Variants in CUX1 observed in about 807,000 individuals in gnomAD.
CUX1 encodes the protein cut like homeobox 1.
CUX1 carries 31 observed loss-of-function variants against 158.8 expected under a neutral mutation model. The ratio of observed to expected loss-of-function variants is 0.20; its 90% CI spans 0.15 to 0.26. The LOEUF is 0.26. CUX1 is among the 10% of genes least tolerant of loss of function. The pLI is 1.00. For missense variants in CUX1, 1,589 were observed against 2,014.6 expected, an observed-to-expected ratio of 0.79 and a Z score of 4.04; for synonymous variants, 879 against 862.1, an observed-to-expected ratio of 1.02 and a Z score of -0.34.
chr7:102,158,927 T>C (rs1554506175), intron 9 of CUX1, among the ~76,000 whole-genome samples: 1 of 152,244 alleles, frequency 6.6e-6, no homozygotes, highest in Non-Finnish European at 1.5e-5. Context: ...GTGGCATCCA[T>C]GACAGTGTAG....
At position 102,204,481 on chromosome 7, in the gene CUX1, A is replaced by G; in HGVS notation, c.2998A>G (p.Ile1000Val). Residue 1000 changes from isoleucine to valine, a missense_variant, in exon 19 of 24, where the codon ATC (isoleucine) becomes GTC (valine). By Grantham distance (29) the Ile-to-Val change is conservative. Around this residue, in one of 8 missense-constraint regions of CUX1, gnomAD observed 259 missense variants for 373.8 expected, o/e 0.69. Transcript: ENST00000292535. ...GACGCAGAAAGGCCGAGAACCCTTC[A>G]TCCGGATGCAGCTCTGGCTGAACGG... is the stretch of plus-strand genomic sequence containing the variant. ...KLTQKGREPF[I>V]RMQLWLNGEL... The G allele has an allele frequency of 6.2e-7, 1 of 1,613,810 alleles. No homozygotes were observed. The highest frequency in any genetic ancestry group is 8.5e-7 in the Non-Finnish European group (1 of 1,180,024).
chr7:102,124,327 T>C (rs1649537515), intron 8 of CUX1, among the ~76,000 whole-genome samples: 1 of 152,254 alleles, frequency 6.6e-6, no homozygotes, highest in African/African-American at 2.4e-5. Flanking sequence ...GCAATGTCAC[T>C]GCTGGGTATT....
chr7:102,028,699 G>A (rs1437232777), intron 3 of CUX1, among the ~76,000 whole-genome samples: 1 of 152,236 alleles, frequency 6.6e-6, no homozygotes, highest in African/African-American at 2.4e-5. Flanking sequence ...GACGGCACGT[G>A]GGTGGCAAGT....
rs782629344 is a variant in CUX1 at position 102,274,335 on chromosome 7, A to AG, written c.1450+27dup. 41 of 1,585,694 alleles carry AG rather than the reference A, an allele frequency of 2.6e-5. No individual in the cohort carries two copies. In the African/African-American group the frequency reaches 5.2e-4, roughly 20 times the overall value. Reference sequence around the variant, plus strand: ...GGTAAGGAGAGGCCTGACCCATGGGAGGAGGGAGGAGGAGGGAAGAGGAGA... The same window carrying AG: ...GGTAAGGAGAGGCCTGACCCATGGGAGGGAGGGAGGAGGAGGGAAGAGGAGA... On this transcript the variant is annotated intron_variant, in intron 16 of 22. Coordinates refer to the CUX1 transcript ENST00000292538.
chr7:102,025,240 A>G (rs947741513), intron 2 of CUX1, among the ~76,000 whole-genome samples: 1 of 152,158 alleles, frequency 6.6e-6, no homozygotes, highest in African/African-American at 2.4e-5. Flanking sequence ...TTACCATTGC[A>G]ATCTAACACA....
intron 2 of CUX1, chr7:101,960,968 A>T (rs2129175296): frequency 6.6e-6 from 1 of 152,422 alleles, no homozygotes; most frequent in South Asian, 2.1e-4. Context: ...CTGGATGCAG[A>T]AGGTGAAGGT....
In CUX1 at chr7:102,189,582, C is replaced by T. The variant is rs114166242; in HGVS notation, c.1018-231C>T. ...TTCATTCTGCTTTTGCTAAGTTGTA[C>T]GTTACAACCTTACAGCATCCCTACA... is the stretch of plus-strand genomic sequence containing the variant. On this transcript the variant is annotated intron_variant, in intron 11 of 23. Transcript: ENST00000292535. 4.3e-3 allele frequency among the ~76,000 whole-genome samples: 658 copies of T among 152,230 alleles called. 3 individuals are homozygous for T. The highest frequency in any genetic ancestry group is 0.015 in the African/African-American group (604 of 41,544).
intron 14 of CUX1, 132 bp downstream of exon 14, chr7:102,195,735 C>G: frequency 1.3e-6 from 1 of 773,106 alleles, no homozygotes; most frequent in South Asian, 1.8e-5. Context: ...GAACCTTTGA[C>G]TAACGCGTGT....
chr7:102,044,126 G>A (rs1220974774), intron 3 of CUX1, among the ~76,000 whole-genome samples: 2 of 152,016 alleles, frequency 1.3e-5, no homozygotes, highest in Non-Finnish European at 2.9e-5. Context: ...TTGGGATTAC[G>A]TGAGCCACTG....
chr7:102,269,219 C>T (rs183108379), intron 14 of CUX1, among the ~76,000 whole-genome samples: 1 of 152,120 alleles, frequency 6.6e-6, no homozygotes, highest in Non-Finnish European at 1.5e-5. Context: ...CAGTGATCCT[C>T]CCTCCTCAGC....
rs78885583 is a variant in CUX1, at chr7:102,037,147, C to T, written c.189+9002C>T. 7.8e-3 allele frequency among the ~76,000 whole-genome samples: 1,191 copies of T among 152,094 alleles called. 34 individuals carry two copies. The highest frequency in any genetic ancestry group is 0.063 in the East Asian group (325 of 5,146). ...TTGGAGACTTCAGTGAGCTGTTGATCGCGTGCCACTGCACTACAGCCTGGC... is the reference window on the plus strand; with the variant it reads ...TTGGAGACTTCAGTGAGCTGTTGATTGCGTGCCACTGCACTACAGCCTGGC... On this transcript the variant is annotated intron_variant, in intron 3 of 23. Transcript: ENST00000292535.
chr7:102,254,994 AC>A lies in CUX1; in HGVS notation c.*5954del. 2.0e-6 allele frequency: 2 copies of A among 985,426 alleles called. No homozygotes were observed. Among genetic ancestry groups the A allele is most frequent in the Non-Finnish European group, 1.2e-6 (1 of 829,960 alleles). 61.0% of individuals were successfully genotyped at this position (985,426 alleles called of 1,614,324 possible). A position where few individuals can be genotyped will look rare whatever the true frequency, so the allele number is the denominator to read the frequency against. On this transcript the variant is annotated 3_prime_UTR_variant, in exon 24 of 24. Coordinates refer to ENST00000292535, the MANE Select transcript of CUX1 (RefSeq NM_181552.4). ...TAGAGATGGGCTGAAAGTTAAGTCC[AC>A]CAACCCTTGGGCTTAATCAGGACGG...
chr7:101,885,290 A>G (rs1232371003), intron 1 of CUX1, among the ~76,000 whole-genome samples: 1 of 151,972 alleles, frequency 6.6e-6, no homozygotes, highest in Non-Finnish European at 1.5e-5. Flanking sequence ...TCCCCCCTAC[A>G]ATGTTTATGC....
intron 13 of CUX1, among the ~76,000 whole-genome samples, chr7:102,195,300 G>C (rs1794676474): frequency 6.6e-6 from 1 of 152,174 alleles, no homozygotes. Flanking sequence ...ACTTCAACTA[G>C]AATCCATTCT....
At chr7:101,939,088 T>TG (rs2129134698) in intron 2 of CUX1, among the ~76,000 whole-genome samples, 1 of 88,818 alleles carries the variant, frequency 1.1e-5, no homozygotes, top group East Asian at 3.4e-4. Context: ...TATATATATA[T>TG]ATATATATAT....
intron 9 of CUX1, among the ~76,000 whole-genome samples, chr7:102,164,351 G>A (rs10281839): frequency 9.8e-5 from 15 of 152,328 alleles, no homozygotes; most frequent in African/African-American, 2.9e-4. Flanking sequence ...TACTACCTAC[G>A]AGGCCTGCTC....
At chr7:102,154,117 C>T (rs1438213598) in intron 8 of CUX1, 2 of 150,964 alleles carry the variant, frequency 1.3e-5, no homozygotes, top group Non-Finnish European at 3.0e-5. Context: ...AGCCTGGCAA[C>T]ATAGCAAGAC....
chr7:101,870,419 G>A (rs2410921), intron 1 of CUX1, among the ~76,000 whole-genome samples: 27,687 of 151,808 alleles, frequency 0.18, 4,352 homozygotes, highest in East Asian at 0.83. Context: ...CAATTCACCC[G>A]CCTTGGCCTC....
intron 2 of CUX1, among the ~76,000 whole-genome samples, chr7:101,976,765 C>G (rs1812734544): frequency 6.6e-6 from 1 of 152,102 alleles, no homozygotes; most frequent in South Asian, 2.1e-4. Flanking sequence ...CTCCATGTGC[C>G]TCTTTGAACA....
Sources: allele counts gnomAD v4.1 joint callset (sites outside exome capture counted in the v4.1 genomes callset), GRCh38; gene constraint gnomAD v4.1.1; regional missense constraint gnomAD v4.1.1; transcripts MANE v1.5; gene names NCBI Gene and HGNC (gene_info 2026-07-23, HGNC 2026-07-21).